Variants in STPG1 observed in about 807,000 individuals in gnomAD.
The protein encoded by STPG1 is O(6)-methylguanine-induced apoptosis 2.
STPG1 carries 33 observed loss-of-function variants against 40.1 expected under a neutral mutation model. The observed-to-expected ratio is 0.82, with a 90% confidence interval of 0.62 to 1.10. The LOEUF is 1.10. Among genes scored for constraint, STPG1 ranks in the 50% least tolerant of loss-of-function variants. STPG1 has a pLI of 0.00. For synonymous variants in STPG1, 150 were observed against 155.0 expected, an observed-to-expected ratio of 0.97 and a Z score of 0.24; for missense variants, 396 against 415.1, an observed-to-expected ratio of 0.95 and a Z score of 0.40.
intron 7 of STPG1, among the ~76,000 whole-genome samples, chr1:24,363,046 C>A (rs1015410699): frequency 2.6e-5 from 4 of 152,174 alleles, no homozygotes; most frequent in African/African-American, 7.2e-5. Context: ...GGTTTGATTC[C>A]TGGAAATTAC....
intron 1 of STPG1, among the ~76,000 whole-genome samples, chr1:24,408,854 T>C (rs1210448317): frequency 6.6e-6 from 1 of 152,230 alleles, no homozygotes; most frequent in Admixed American, 6.5e-5. Flanking sequence ...CTACTGGTCC[T>C]TTTCCATGCA....
chr1:24,391,897 T>C, intron 2 of STPG1: 3 of 1,302,468 alleles, frequency 2.3e-6, no homozygotes, highest in Non-Finnish European at 2.9e-6. Context: ...AGCTCTTAAA[T>C]TAGTGAGATG....
intron 3 of STPG1, among the ~76,000 whole-genome samples, chr1:24,384,481 A>G (rs1642420142): frequency 6.6e-6 from 1 of 152,186 alleles, no homozygotes; most frequent in South Asian, 2.1e-4. Context: ...ATAAAGCAAA[A>G]TGAAACAAAA....
chr1:24,364,612 A>G, intron 7 of STPG1: 1 of 559,022 alleles, frequency 1.8e-6, no homozygotes, highest in Non-Finnish European at 2.7e-6. Flanking sequence ...GAGGGCTGGC[A>G]GCATGTAAAG....
chr1:24,387,472 C>T (rs1004179026), intron 3 of STPG1, among the ~76,000 whole-genome samples: 1 of 152,064 alleles, frequency 6.6e-6, no homozygotes, highest in African/African-American at 2.4e-5. Flanking sequence ...GGGCATAAGA[C>T]GAGCTGTGGG....
At chr1:24,378,412 G>C (rs1642128083) in intron 5 of STPG1, among the ~76,000 whole-genome samples, 1 of 152,128 alleles carries the variant, frequency 6.6e-6, no homozygotes, top group African/African-American at 2.4e-5. Flanking sequence ...GAGGCAGGTG[G>C]ATCACGAGAT....
At chr1:24,390,635 T>C (rs1642726738) in intron 3 of STPG1, among the ~76,000 whole-genome samples, 1 of 152,108 alleles carries the variant, frequency 6.6e-6, no homozygotes, top group Admixed American at 6.5e-5. Context: ...GCCAGGCTGG[T>C]CTCGAACTTG....
intron 1 of STPG1, among the ~76,000 whole-genome samples, chr1:24,405,320 GGC>G (rs1189235746): frequency 6.6e-6 from 1 of 152,030 alleles, no homozygotes; most frequent in Non-Finnish European, 1.5e-5. Context: ...CCATTTTAGT[GGC>G]ATCTCATATA....
At position 24,380,652 on chromosome 1, in the gene STPG1, C is replaced by G. The variant is rs1014409791; in HGVS notation, c.292-829G>C. ...CCAAAAGGAAGGCATTAGGGCCCCC[C>G]TACTTCACTCTGTGCTTGGTGGTGA... On this transcript the variant is annotated intron_variant, in intron 4 of 8. Transcript: ENST00000337248. 2.0e-5 allele frequency among the ~76,000 whole-genome samples: 3 copies of G among 152,176 alleles called. No individual in the cohort carries two copies. The South Asian group carries it at 6.2e-4, about 32-fold the overall frequency.
chr1:24,380,277 A>G (rs1642225301), intron 4 of STPG1, among the ~76,000 whole-genome samples: 1 of 152,206 alleles, frequency 6.6e-6, no homozygotes, highest in Non-Finnish European at 1.5e-5. Flanking sequence ...ACAAAGCTCC[A>G]GGGGGCTTGT....
intron 3 of STPG1, among the ~76,000 whole-genome samples, chr1:24,387,829 A>G (rs1642581216): frequency 6.6e-6 from 1 of 152,176 alleles, no homozygotes; most frequent in South Asian, 2.1e-4. Context: ...TGTGGGTCAG[A>G]TATGCAGCTG....
rs1040544566 is a variant in STPG1, at chr1:24,369,859, A to T, written c.572-20T>A. 1.3e-6 allele frequency: 2 copies of T among 1,573,412 alleles called. No individual in the cohort carries two copies. Among genetic ancestry groups the T allele is most frequent in the Non-Finnish European group, 1.7e-6 (2 of 1,157,106 alleles). On this transcript the variant is annotated intron_variant, in intron 6 of 8. Coordinates refer to ENST00000337248, the MANE Select transcript of STPG1 (RefSeq NM_001199013.2). ...AATGCCCTAAGGAGAAAGAAATTTTAGGACAGAATAAGGAACTCTTCTCAA... is the reference window on the plus strand; with the variant it reads ...AATGCCCTAAGGAGAAAGAAATTTTTGGACAGAATAAGGAACTCTTCTCAA...
At chr1:24,403,723 G>C (rs1293614848) in intron 1 of STPG1, among the ~76,000 whole-genome samples, 3 of 151,856 alleles carry the variant, frequency 2.0e-5, no homozygotes, top group African/African-American at 7.3e-5. Context: ...TCAAAAAAAT[G>C]GTCTTAAAAT....
intron 7 of STPG1, chr1:24,368,670 C>T (rs1641584890): frequency 6.6e-6 from 1 of 152,192 alleles, no homozygotes; most frequent in Admixed American, 6.5e-5. Flanking sequence ...TTTTGAGTCA[C>T]CAGCTGCAAT....
In STPG1 at chr1:24,369,534, T is replaced by C. The variant is rs998961954; in HGVS notation, c.737+140A>G. The C allele has an allele frequency of 1.2e-4, 101 of 853,908 alleles. No homozygotes were observed. The South Asian group carries it at 1.6e-3, about 13-fold the overall frequency. 52.9% of individuals were successfully genotyped at this position (853,908 alleles called of 1,614,324 possible). On this transcript the variant is annotated intron_variant, in intron 7 of 8. Transcript: ENST00000337248. ...TTCAACAGGCATTTACTGAGCATCA[T>C]TATGTGTGACTAAGGGCCCCTGAAG...
In STPG1 at chr1:24,392,760, G is replaced by C. The variant is rs182523072; in HGVS notation, c.71-1081C>G. Among the ~76,000 whole-genome samples the C allele has an allele frequency of 2.4e-3, 358 of 152,126 alleles. 3 individuals carry two copies. The highest frequency in any genetic ancestry group is 6.2e-3 in the African/African-American group (256 of 41,480). On this transcript the variant is annotated intron_variant, in intron 2 of 8. Coordinates refer to ENST00000337248, the MANE Select transcript of STPG1 (RefSeq NM_001199013.2). Reference sequence around the variant, plus strand: ...ATCCAAACCAAATTTTGGGTGGGGGGGTGCATCCTGACTCTGTAGGCTGTT... The same window carrying C: ...ATCCAAACCAAATTTTGGGTGGGGGCGTGCATCCTGACTCTGTAGGCTGTT...
chr1:24,378,648 T>C (rs1005571380), intron 5 of STPG1, among the ~76,000 whole-genome samples: 1 of 152,138 alleles, frequency 6.6e-6, no homozygotes, highest in African/African-American at 2.4e-5. Context: ...GAATCCATCA[T>C]AGAAGGTGGG....
chr1:24,361,081 T>C (rs765483377), intron 7 of STPG1, 40 bp from the exon 8 acceptor site: 1 of 1,539,746 alleles, frequency 6.5e-7, no homozygotes, highest in East Asian at 2.3e-5. Context: ...ACTAAGGCAG[T>C]CTAGTGGGGA....
rs1643147078 is a variant in STPG1, at chr1:24,399,770, AAC to A, written c.70+1547_70+1548del. On this transcript the variant is annotated intron_variant, in intron 2 of 8. Coordinates refer to ENST00000337248, the MANE Select transcript of STPG1 (RefSeq NM_001199013.2). The surrounding 1 kb of genome is among the most constrained non-coding windows in gnomAD (Gnocchi z 4.0). ...CAGAAGAAAATGGGCAAAAAAGTTG[AAC>A]AGTCACTTCTCCAAAGAGAATATCC... Among the ~76,000 whole-genome samples the A allele has an allele frequency of 6.6e-6, 1 of 152,218 alleles. No homozygotes were observed.
Sources: allele counts gnomAD v4.1 joint callset (sites outside exome capture counted in the v4.1 genomes callset), GRCh38; gene constraint gnomAD v4.1.1; non-coding constraint Gnocchi (gnomAD v3.1); transcripts MANE v1.5; gene names NCBI Gene and HGNC (gene_info 2026-07-23, HGNC 2026-07-21).